Variants in GFRA2 observed in about 807,000 individuals in gnomAD.
The protein encoded by GFRA2 is GDNF family receptor alpha-2.
Under a neutral mutation model 48.3 loss-of-function variants are expected in GFRA2, and 17 were observed. The observed-to-expected ratio is 0.35, with a 90% confidence interval of 0.24 to 0.53. The LOEUF (loss-of-function observed/expected upper bound fraction) is 0.53. GFRA2 is among the 20% of genes least tolerant of loss of function. The pLI, the probability that GFRA2 is intolerant of heterozygous loss-of-function variation, is 0.93. For missense variants in GFRA2, 660 were observed against 637.3 expected, an observed-to-expected ratio of 1.04 and a Z score of -0.38; for synonymous variants, 305 against 257.2, an observed-to-expected ratio of 1.19 and a Z score of -1.78.
At chr8:21,784,911 G>GC (rs1160234377) in intron 1 of GFRA2, among the ~76,000 whole-genome samples, 1 of 152,110 alleles carries the variant, frequency 6.6e-6, no homozygotes, top group Non-Finnish European at 1.5e-5. Context: ...GTACAGCCGG[G>GC]CCCCCCAAGA....
chr8:21,775,989 C>CTGTGTGTGTGTGTGTGTGTGTG (rs200687629), intron 2 of GFRA2, among the ~76,000 whole-genome samples: 1 of 126,402 alleles, frequency 7.9e-6, no homozygotes, highest in Non-Finnish European at 1.7e-5. Context: ...CACTCATCCT[C>CTGTGTGTGTGTGTGTGTGTGTG]TGTGTGTGTG....
intron 4 of GFRA2, among the ~76,000 whole-genome samples, chr8:21,746,937 G>A (rs2117576073): frequency 1.3e-5 from 2 of 152,228 alleles, no homozygotes; most frequent in South Asian, 4.1e-4. Flanking sequence ...CCACTCCATT[G>A]TCACATTATC....
intron 7 of GFRA2, among the ~76,000 whole-genome samples, chr8:21,697,968 T>C (rs183891664): frequency 1.9e-4 from 29 of 152,318 alleles, no homozygotes; most frequent in African/African-American, 6.7e-4. Context: ...CTTTATGAAT[T>C]ACCCAGTCTC....
chr8:21,739,053 C>T (rs1182364362), intron 4 of GFRA2, among the ~76,000 whole-genome samples: 1 of 152,206 alleles, frequency 6.6e-6, no homozygotes, highest in African/African-American at 2.4e-5. Flanking sequence ...GGGCACGTCC[C>T]AGAGATCACA....
intron 1 of GFRA2, among the ~76,000 whole-genome samples, chr8:21,809,770 T>G (rs1807944023): frequency 6.6e-6 from 1 of 152,110 alleles, no homozygotes; most frequent in African/African-American, 2.4e-5. Flanking sequence ...CTCTGTTTGG[T>G]CTTTGAAAAA....
At chr8:21,764,992 T>C (rs1806086185) in intron 3 of GFRA2, among the ~76,000 whole-genome samples, 1 of 152,172 alleles carries the variant, frequency 6.6e-6, no homozygotes, top group Admixed American at 6.5e-5. Flanking sequence ...AGATCATGGG[T>C]GACCTCCATG....
At chr8:21,715,290 C>T (rs1046335791) in intron 4 of GFRA2, among the ~76,000 whole-genome samples, 4 of 152,104 alleles carry the variant, frequency 2.6e-5, no homozygotes, top group African/African-American at 9.7e-5. Context: ...CCTCGTTGGG[C>T]CAGATAGTTT....
At chr8:21,783,063 C>T in intron 1 of GFRA2, 164 bp from the exon 2 acceptor site, 1 of 729,312 alleles carries the variant, frequency 1.4e-6, no homozygotes, top group Non-Finnish European at 2.4e-6. Flanking sequence ...CCAGGGAGAA[C>T]TCAGGCATCA....
intron 4 of GFRA2, among the ~76,000 whole-genome samples, chr8:21,709,326 A>G (rs139539538): frequency 2.0e-4 from 30 of 152,360 alleles, no homozygotes; most frequent in African/African-American, 7.0e-4. Flanking sequence ...TGGACCAGGC[A>G]ACTGAAAGAT....
intron 3 of GFRA2, among the ~76,000 whole-genome samples, chr8:21,760,362 G>C (rs942319008): frequency 6.6e-6 from 1 of 152,186 alleles, no homozygotes; most frequent in Non-Finnish European, 1.5e-5. Flanking sequence ...AGGCTGGGGT[G>C]GGGTGGTGAC....
intron 3 of GFRA2, 91 bp downstream of exon 3, chr8:21,774,881 C>T (rs373907975): frequency 2.3e-5 from 17 of 723,646 alleles, no homozygotes; most frequent in Admixed American, 3.8e-5. Flanking sequence ...CATCATCGGA[C>T]GCCAGGATGC....
intron 4 of GFRA2, among the ~76,000 whole-genome samples, chr8:21,724,700 G>A (rs1025732980): frequency 1.3e-5 from 2 of 152,138 alleles, no homozygotes; most frequent in African/African-American, 4.8e-5. Context: ...GCAAGGCCGT[G>A]TACATAGAAA....
chr8:21,795,244 G>A (rs1731080602), intron 2 of GFRA2, among the ~76,000 whole-genome samples: 1 of 152,156 alleles, frequency 6.6e-6, no homozygotes, highest in African/African-American at 2.4e-5. Context: ...CTTCCCGGCT[G>A]TACAAAGCAT....
intron 4 of GFRA2, among the ~76,000 whole-genome samples, chr8:21,709,221 T>A (rs552224090): frequency 6.6e-6 from 1 of 152,272 alleles, no homozygotes; most frequent in African/African-American, 2.4e-5. Context: ...CAGGCCCAGC[T>A]CTCTCCTGAC....
chr8:21,746,581 C>A (rs1554492120), intron 4 of GFRA2, among the ~76,000 whole-genome samples: 1 of 152,110 alleles, frequency 6.6e-6, no homozygotes, highest in Non-Finnish European at 1.5e-5. Context: ...TGCTTGTGGG[C>A]CCTGGAGTCT....
chr8:21,787,055 T>C (rs1158557693), intron 1 of GFRA2, among the ~76,000 whole-genome samples: 1 of 152,044 alleles, frequency 6.6e-6, no homozygotes, highest in Non-Finnish European at 1.5e-5. Flanking sequence ...GTCTACTCCC[T>C]GGCAGCAGCC....
intron 7 of GFRA2, among the ~76,000 whole-genome samples, chr8:21,701,505 T>C (rs1802479356): frequency 6.6e-6 from 1 of 152,256 alleles, no homozygotes; most frequent in South Asian, 2.1e-4. Context: ...TGGACCCCTT[T>C]GGAGGGTCTA....
rs574689830 is a variant in GFRA2, at chr8:21,690,598, C to T, written c.*2680G>A. 1.4e-4 allele frequency: 22 copies of T among 152,278 alleles called. No homozygotes were observed. In the East Asian group the frequency reaches 3.9e-3, roughly 27 times the overall value. The allele number at this position is 152,278 out of a possible 1,614,324, so 9.4% of individuals were successfully genotyped here. ...TCCTTCATAATGGCACCTCAGTTTC[C>T]TCTTGGGAAATTTTCTCTCCCCCAT... On this transcript the variant is annotated 3_prime_UTR_variant, in exon 9 of 9. Transcript: ENST00000524240.
chr8:21,742,605 G>A (rs1208077253), intron 4 of GFRA2, among the ~76,000 whole-genome samples: 2 of 152,226 alleles, frequency 1.3e-5, no homozygotes, highest in African/African-American at 4.8e-5. Context: ...AATACTCAGG[G>A]AGCCAGTGTG....
Sources: gnomAD v4.1 joint callset for allele counts (sites outside exome capture counted in the v4.1 genomes callset) on GRCh38, gnomAD v4.1.1 for gene constraint, MANE v1.5 for transcripts, NCBI Gene and HGNC (gene_info 2026-07-23, HGNC 2026-07-21) for gene names.